The following DICER1 variants were observed in gnomAD, a reference collection of about 807,000 sequenced individuals.
DICER1 encodes endoribonuclease Dicer.
DICER1 carries 43 observed loss-of-function variants against 194.1 expected under a neutral mutation model. The ratio of observed to expected loss-of-function variants is 0.22; its 90% CI spans 0.17 to 0.29. DICER1 has a LOEUF of 0.29. Ranked by LOEUF, DICER1 falls within the 10% of genes least tolerant of loss-of-function variation. The pLI, the probability that DICER1 is intolerant of heterozygous loss-of-function variation, is 1.00. For missense variants in DICER1, 1,608 were observed against 2,317.0 expected, an observed-to-expected ratio of 0.69 and a Z score of 6.28; for synonymous variants, 832 against 820.5, an observed-to-expected ratio of 1.01 and a Z score of -0.24.
intron 14 of DICER1, among the ~76,000 whole-genome samples, chr14:95,109,622 AT>A (rs1891775670): frequency 6.6e-6 from 1 of 152,248 alleles, no homozygotes; most frequent in Non-Finnish European, 1.5e-5. Context: ...GAAAACATGC[AT>A]TTTGGGAAAA....
At chr14:95,093,084 T>C (rs1889990456) in intron 24 of DICER1, among the ~76,000 whole-genome samples, 1 of 152,156 alleles carries the variant, frequency 6.6e-6, no homozygotes, top group Non-Finnish European at 1.5e-5. Context: ...CCAACAAAGG[T>C]TTGGTGCAAT....
chr14:95,106,064 C>T lies in DICER1; in HGVS notation c.2964G>A (p.Leu988=). The T allele has an allele frequency of 2.5e-6, 4 of 1,614,158 alleles. No individual in the cohort carries two copies. The highest frequency in any genetic ancestry group is 3.4e-6 in the Non-Finnish European group (4 of 1,180,032). ...ACCTTGAAGATGTGTGGTCCACATCCAGCAGTGGCTGGTTGAGATTGGTTA... is the reference window on the plus strand; with the variant it reads ...ACCTTGAAGATGTGTGGTCCACATCTAGCAGTGGCTGGTTGAGATTGGTTA... ...LDLTNLNQPL[L]DVDHTSSRLN... is the part of the protein sequence containing the mutation. Residue 988 remains leucine (L), a synonymous_variant, in exon 18 of 27, where the codon CTG becomes CTA. Transcript: ENST00000343455.
chr14:95,134,040 G>A (rs1349496387), intron 1 of DICER1, among the ~76,000 whole-genome samples: 1 of 152,074 alleles, frequency 6.6e-6, no homozygotes, highest in Admixed American at 6.5e-5. Context: ...TGACGTTACT[G>A]ATAAAATGAT....
chr14:95,104,997 T>C lies in DICER1; in HGVS notation c.3269+74A>G. 4.3e-6 allele frequency: 6 copies of C among 1,406,840 alleles called. No homozygotes were observed. In the South Asian group the frequency reaches 4.7e-5, roughly 11 times the overall value. The allele number at this position is 1,406,840 out of a possible 1,614,324, so 87.1% of individuals were successfully genotyped here. A position where few individuals can be genotyped will look rare whatever the true frequency, so the allele number is the denominator to read the frequency against. The stretch of plus-strand genomic sequence containing the variant: ...TTTTAAGAATTATTTTATATACAAT[T>C]TTAACTTAATTCTGTTCTTTTGCAA... On this transcript the variant is annotated intron_variant, in intron 20 of 26. Transcript: ENST00000343455.
intron 14 of DICER1, among the ~76,000 whole-genome samples, chr14:95,110,357 A>C (rs545144387): frequency 4.1e-4 from 63 of 152,296 alleles, no homozygotes; most frequent in African/African-American, 1.5e-3. Context: ...ACTCTGTGGC[A>C]GGGCACACGC....
At chr14:95,109,324 G>A (rs1255998024) in intron 14 of DICER1, among the ~76,000 whole-genome samples, 1 of 152,202 alleles carries the variant, frequency 6.6e-6, no homozygotes, top group African/African-American at 2.4e-5. Context: ...GCTGGTAAAA[G>A]AGACAGTTAT....
chr14:95,126,484 A>G, intron 7 of DICER1, 96 bp downstream of exon 7: 1 of 810,506 alleles, frequency 1.2e-6, no homozygotes, highest in Non-Finnish European at 2.0e-6. Flanking sequence ...CTAAAATGCA[A>G]AGAAAAGAGC....
Position 95,106,176 on chromosome 14 carries a change from T to G in DICER1, c.2852A>C (p.Tyr951Ser). Reference sequence around the variant, plus strand: ...TTTACTGAGTGGGGTAAGATCAGTGTACACATCAGCTACATAAAATCGATG... The same window carrying G: ...TTTACTGAGTGGGGTAAGATCAGTGGACACATCAGCTACATAAAATCGATG... Reference protein sequence around the residue: ...QPHRFYVADVYTDLTPLSKFP... With the variant: ...QPHRFYVADVSTDLTPLSKFP... The change falls in exon 18 of 27, where the codon TAC becomes TCC. Residue 951 changes from tyrosine (Y) to serine (S), a missense_variant. By Grantham distance (144) the Tyr-to-Ser change is moderately radical. Around this residue, in one of 10 missense-constraint regions of DICER1, gnomAD observed 150 missense variants for 216.0 expected, o/e 0.69. Coordinates refer to ENST00000343455, the MANE Select transcript of DICER1 (RefSeq NM_177438.3). 6.2e-7 allele frequency: 1 copy of G among 1,614,032 alleles called. No homozygotes were observed. The highest frequency in any genetic ancestry group is 8.5e-7 in the Non-Finnish European group (1 of 1,179,900).
At chr14:95,149,696 T>C (rs1204245860) in intron 1 of DICER1, among the ~76,000 whole-genome samples, 1 of 152,216 alleles carries the variant, frequency 6.6e-6, no homozygotes, top group Non-Finnish European at 1.5e-5. Context: ...TTGTAATGAC[T>C]AGGTAGTTTG....
intron 9 of DICER1, 50 bp from the exon 10 acceptor site, chr14:95,116,745 A>G (rs1464952481): frequency 6.3e-7 from 1 of 1,577,410 alleles, no homozygotes; most frequent in South Asian, 1.1e-5. Context: ...AATTTCTAAA[A>G]TGAACAAAAA....
Position 95,105,968 on chromosome 14 carries a change from C to A in DICER1, c.2987+73G>T. 1 of 1,544,878 alleles carries A rather than the reference C, an allele frequency of 6.5e-7. No homozygotes were observed. Among genetic ancestry groups the A allele is most frequent in the Non-Finnish European group, 8.9e-7 (1 of 1,117,442 alleles). On this transcript the variant is annotated intron_variant, in intron 18 of 26. Transcript: ENST00000343455. The surrounding 1 kb of genome is among the most constrained non-coding windows in gnomAD (Gnocchi z 4.9). ...CACGGGTGGGCAGGGGGACAGTGAA[C>A]CTCTGCATGTCTAGTGATGTCTGGT...
intron 14 of DICER1, 103 bp from the exon 15 acceptor site, chr14:95,108,606 T>TTCTCATCAGCTTTTA: frequency 9.3e-7 from 1 of 1,078,342 alleles, no homozygotes; most frequent in Non-Finnish European, 1.4e-6. Context: ...TAAAAGCTGA[T>TTCTCATCAGCTTTTA]GAGAATAAGC....
In DICER1 at chr14:95,115,649, A is replaced by G; in HGVS notation, c.1907+18T>C. 1 of 1,613,964 alleles carries G rather than the reference A, an allele frequency of 6.2e-7. No homozygotes were observed. Among genetic ancestry groups the G allele is most frequent in the Non-Finnish European group, 8.5e-7 (1 of 1,179,854 alleles). ...GCAACATTCCCAGGTTTTCCACACAAATGATATGATGCCATACCTATTGAT... is the reference window on the plus strand; with the variant it reads ...GCAACATTCCCAGGTTTTCCACACAGATGATATGATGCCATACCTATTGAT... On this transcript the variant is annotated intron_variant, in intron 11 of 26. Coordinates refer to ENST00000343455, the MANE Select transcript of DICER1 (RefSeq NM_177438.3).
rs529932138 is a variant in DICER1, at chr14:95,121,124, A to G, written c.1376+3072T>C. ...CACCCCAGTACAACCCCAAGAACAT[A>G]AGAAAAACCCAAATGGAGGGGCATT... On this transcript the variant is annotated intron_variant, in intron 8 of 26. Coordinates refer to ENST00000343455, the MANE Select transcript of DICER1 (RefSeq NM_177438.3). Among the ~76,000 whole-genome samples the G allele has an allele frequency of 3.0e-4, 46 of 152,216 alleles. No homozygotes were observed. The East Asian group carries it at 8.5e-3, about 28-fold the overall frequency.
chr14:95,155,538 T>A (rs1053776960), intron 1 of DICER1, among the ~76,000 whole-genome samples: 2 of 152,098 alleles, frequency 1.3e-5, no homozygotes, highest in African/African-American at 4.8e-5. Flanking sequence ...AGCTCAATAA[T>A]AGCAAAACAA....
intron 1 of DICER1, among the ~76,000 whole-genome samples, chr14:95,148,802 C>G (rs1313257784): frequency 6.6e-6 from 1 of 152,204 alleles, no homozygotes; most frequent in African/African-American, 2.4e-5. Context: ...CCCACCCCTC[C>G]CCTTCAAGTT....
At chr14:95,147,061 T>C (rs567057501) in intron 1 of DICER1, among the ~76,000 whole-genome samples, 1 of 152,360 alleles carries the variant, frequency 6.6e-6, no homozygotes, top group African/African-American at 2.4e-5. Context: ...GCATTTTAAA[T>C]TTCCTACAAC....
intron 21 of DICER1, 138 bp from the exon 22 acceptor site, chr14:95,100,073 C>A: frequency 9.7e-6 from 9 of 930,170 alleles, no homozygotes; most frequent in Non-Finnish European, 1.4e-5. Flanking sequence ...TATAAGGGCT[C>A]TACAGTTTTT....
At chr14:95,103,322 C>T (rs369660031) in intron 21 of DICER1, 24 bp downstream of exon 21, 44 of 1,611,652 alleles carry the variant, frequency 2.7e-5, no homozygotes, top group Non-Finnish European at 3.3e-5. Context: ...ATTAACTGCT[C>T]AAAATAAAAA....
Sources: allele counts gnomAD v4.1 joint callset (sites outside exome capture counted in the v4.1 genomes callset), GRCh38; gene constraint gnomAD v4.1.1; regional missense constraint gnomAD v4.1.1; non-coding constraint Gnocchi (gnomAD v3.1); transcripts MANE v1.5; gene names NCBI Gene and HGNC (gene_info 2026-07-23, HGNC 2026-07-21).